The following SLC1A2 variants were observed in gnomAD, a reference collection of about 807,000 sequenced individuals.
SLC1A2 encodes excitatory amino acid transporter 2.
SLC1A2 carries 15 observed loss-of-function variants against 48.8 expected under a neutral mutation model. That is an observed-to-expected ratio of 0.31 (90% CI 0.21 to 0.47). The LOEUF is 0.47. Among genes scored for constraint, SLC1A2 ranks in the 20% least tolerant of loss-of-function variants. SLC1A2 has a pLI of 0.99. For synonymous variants in SLC1A2, 279 were observed against 272.6 expected, an observed-to-expected ratio of 1.02 and a Z score of -0.23; for missense variants, 502 against 730.5, an observed-to-expected ratio of 0.69 and a Z score of 3.61.
At chr11:35,318,046 T>A (rs568502116) in intron 1 of SLC1A2, among the ~76,000 whole-genome samples, 91 of 152,364 alleles carry the variant, frequency 6.0e-4, no homozygotes, top group African/African-American at 2.0e-3. Flanking sequence ...TTGGAAAAGA[T>A]AGTTTATCTA....
chr11:35,342,888 G>A (rs3847621), intron 1 of SLC1A2, among the ~76,000 whole-genome samples: 88,661 of 152,100 alleles, frequency 0.58, 26,351 homozygotes, highest in East Asian at 0.7. Flanking sequence ...AGTAGCAGAC[G>A]CAATTATATC....
chr11:35,377,312 A>T (rs1359909891), intron 1 of SLC1A2, among the ~76,000 whole-genome samples: 1 of 152,146 alleles, frequency 6.6e-6, no homozygotes, highest in African/African-American at 2.4e-5. Context: ...TCCTTTTCAA[A>T]CTTTCTTGTT....
chr11:35,384,342 C>A (rs959551310), intron 1 of SLC1A2, among the ~76,000 whole-genome samples: 10 of 152,222 alleles, frequency 6.6e-5, no homozygotes, highest in African/African-American at 2.4e-4. Context: ...TGGAAGATGA[C>A]TATTCTCATC....
Position 35,265,846 on chromosome 11 carries a change from G to C in SLC1A2, c.1422-88C>G, listed in dbSNP as rs189546866. On this transcript the variant is annotated intron_variant, in intron 9 of 10. Transcript: ENST00000278379. ...AAGGTCTGGAGTCAGAGAGACATAG[G>C]GTTGAGTACTGGCTCTACCTTTTCC... The C allele has an allele frequency of 7.6e-5, 59 of 774,148 alleles. No homozygotes were observed. The East Asian group carries it at 1.3e-3, about 17-fold the overall frequency. 48.0% of individuals were successfully genotyped at this position (774,148 alleles called of 1,614,324 possible).
intron 6 of SLC1A2, among the ~76,000 whole-genome samples, chr11:35,292,759 G>T (rs1851052166): frequency 6.6e-6 from 1 of 152,098 alleles, no homozygotes; most frequent in Non-Finnish European, 1.5e-5. Flanking sequence ...TGTGGCTAAG[G>T]TGAGTTCTAG....
chr11:35,337,214 T>C (rs1852665714), intron 1 of SLC1A2, among the ~76,000 whole-genome samples: 1 of 152,024 alleles, frequency 6.6e-6, no homozygotes, highest in African/African-American at 2.4e-5. Context: ...GGCCTCTCTG[T>C]ATCCATGTTG....
chr11:35,262,539 T>C (rs767904780), intron 10 of SLC1A2, among the ~76,000 whole-genome samples: 1 of 152,156 alleles, frequency 6.6e-6, no homozygotes, highest in South Asian at 2.1e-4. Flanking sequence ...CCCATCTCAG[T>C]TTTTAAAAAG....
At chr11:35,330,477 A>G (rs548064034) in intron 1 of SLC1A2, among the ~76,000 whole-genome samples, 2 of 152,344 alleles carry the variant, frequency 1.3e-5, no homozygotes, top group Admixed American at 1.3e-4. Context: ...TACCAGTGAT[A>G]GGTAGAGTAA....
chr11:35,392,184 T>C (rs1246551840), intron 1 of SLC1A2: 1 of 152,232 alleles, frequency 6.6e-6, no homozygotes, highest in East Asian at 1.9e-4. Context: ...ACACATACTT[T>C]TAAGTGTTTG....
chr11:35,325,139 C>T (rs554213582), intron 1 of SLC1A2, among the ~76,000 whole-genome samples: 38 of 152,292 alleles, frequency 2.5e-4, no homozygotes, highest in African/African-American at 7.5e-4. Flanking sequence ...GGTTTTGAGC[C>T]GGGGCAACTT....
rs760937901 is a variant in SLC1A2, at chr11:35,286,903, C to G, written c.1140G>C (p.Gly380=). The change falls in exon 8 of 11, where the codon GGG becomes GGC. Residue 380 remains glycine (G), a synonymous_variant. Transcript: ENST00000278379. ...VTFRCLEENL[G]IDKRVTRFVL... Reference sequence around the variant, plus strand: ...CGAATCTAGTCACACGCTTATCAATCCCCAGATTTTCTTCCAGGCAACGAA... The same window carrying G: ...CGAATCTAGTCACACGCTTATCAATGCCCAGATTTTCTTCCAGGCAACGAA... 5 of 1,614,050 alleles carry G rather than the reference C, an allele frequency of 3.1e-6. No individual in the cohort carries two copies. The highest frequency in any genetic ancestry group is 1.7e-4 in the Middle Eastern group (1 of 6,058).
chr11:35,325,793 T>A (rs544162989), intron 1 of SLC1A2, among the ~76,000 whole-genome samples: 36 of 151,606 alleles, frequency 2.4e-4, no homozygotes, highest in Admixed American at 3.9e-4. Context: ...TGAAACCCTG[T>A]CTCTACTAAA....
chr11:35,286,620 C>A (rs987656823), intron 8 of SLC1A2, 137 bp downstream of exon 8: 1 of 585,374 alleles, frequency 1.7e-6, no homozygotes, highest in Non-Finnish European at 2.9e-6. Flanking sequence ...TGAAGGCTGC[C>A]AATAGTTTCT....
At chr11:35,288,874 T>G (rs1334335831) in intron 7 of SLC1A2, among the ~76,000 whole-genome samples, 1 of 151,230 alleles carries the variant, frequency 6.6e-6, no homozygotes, top group African/African-American at 2.4e-5. Context: ...AAATGATTGG[T>G]AAGTATAAAA....
At chr11:35,310,268 G>A (rs922940237) in intron 4 of SLC1A2, among the ~76,000 whole-genome samples, 2 of 152,298 alleles carry the variant, frequency 1.3e-5, no homozygotes, top group East Asian at 3.9e-4. Context: ...GCCTCCTGCA[G>A]CTGCGATCCC....
At chr11:35,396,528 G>GT (rs1380612651) in intron 1 of SLC1A2, among the ~76,000 whole-genome samples, 1 of 148,218 alleles carries the variant, frequency 6.7e-6, no homozygotes, top group Non-Finnish European at 1.5e-5. Flanking sequence ...GGGGTTGTTT[G>GT]TTTTTTTCTT....
intron 9 of SLC1A2, among the ~76,000 whole-genome samples, chr11:35,267,774 G>GAAAA (rs11343973): frequency 6.8e-6 from 1 of 146,782 alleles, no homozygotes; most frequent in Non-Finnish European, 1.5e-5. Flanking sequence ...GTCAAATGGG[G>GAAAA]AAAAAAAAAA....
chr11:35,292,496 G>A lies in SLC1A2; in HGVS notation c.882C>T (p.Cys294=). ...TTGCAATGATCTTTCCACAGATCAGGCAGGCGATACCCAGGGGAGAGTACC... is the reference window on the plus strand; with the variant it reads ...TTGCAATGATCTTTCCACAGATCAGACAGGCGATACCCAGGGGAGAGTACC... ...IMWYSPLGIA[C]LICGKIIAIK... is the part of the protein sequence containing the mutation. Residue 294 remains cysteine (C), a synonymous_variant, in exon 7 of 11, where the codon TGC becomes TGT. Coordinates refer to ENST00000278379, the MANE Select transcript of SLC1A2 (RefSeq NM_004171.4). The A allele has an allele frequency of 6.2e-7, 1 of 1,612,882 alleles. No homozygotes were observed. The highest frequency in any genetic ancestry group is 8.5e-7 in the Non-Finnish European group (1 of 1,178,988).
chr11:35,293,138 A>G (rs1591437306), intron 6 of SLC1A2, among the ~76,000 whole-genome samples: 1 of 152,216 alleles, frequency 6.6e-6, no homozygotes, highest in Non-Finnish European at 1.5e-5. Context: ...TTTAAGCACT[A>G]TGGTGAGAGC....
Sources: gnomAD v4.1 joint callset for allele counts (sites outside exome capture counted in the v4.1 genomes callset) on GRCh38, gnomAD v4.1.1 for gene constraint, MANE v1.5 for transcripts, NCBI Gene and HGNC (gene_info 2026-07-23, HGNC 2026-07-21) for gene names.